SP100: variants seen among roughly 807,000 people sequenced by gnomAD.
SP100 encodes SP100 nuclear body protein.
SP100 carries 84 observed loss-of-function variants against 130.0 expected under a neutral mutation model. The observed-to-expected ratio is 0.65, with a 90% CI of 0.54 to 0.77. The LOEUF is 0.77. Ranked by LOEUF, SP100 falls within the 30% of genes least tolerant of loss-of-function variation. SP100 has a pLI of 0.00. For missense variants in SP100, 978 were observed against 1,052.2 expected (o/e 0.93, Z 0.97); for synonymous variants, 331 against 351.7 (o/e 0.94, Z 0.66).
At chr2:230,445,078 C>T (rs1051597587) in intron 4 of SP100, among the ~76,000 whole-genome samples, 3 of 152,112 alleles carry the variant, frequency 2.0e-5, no homozygotes, top group Non-Finnish European at 4.4e-5. Flanking sequence ...AGGGGTGAAA[C>T]AAAGATTGAC....
intron 8 of SP100, among the ~76,000 whole-genome samples, chr2:230,451,993 A>G (rs1194728366): frequency 1.3e-5 from 2 of 152,098 alleles, no homozygotes; most frequent in African/African-American, 4.8e-5. Context: ...CCATTTTTCT[A>G]CATGTCTATT....
rs991748647 is a variant in SP100 at position 230,544,204 on chromosome 2, G to A, written c.*1258G>A. 6 of 151,792 alleles carry A rather than the reference G, an allele frequency of 4.0e-5. No homozygotes were observed. Among genetic ancestry groups the A allele is most frequent in the Non-Finnish European group, 5.9e-5 (4 of 67,852 alleles). 9.4% of individuals were successfully genotyped at this position (151,792 alleles called of 1,614,324 possible). A position where few individuals can be genotyped will look rare whatever the true frequency, so the allele number is the denominator to read the frequency against. On this transcript the variant is annotated 3_prime_UTR_variant, in exon 29 of 29. Transcript: ENST00000340126. ...TATGAAGACTCTGGAAGACAACCTA[G>A]GCAATACCATCCTGGACATAGGAAC...
At chr2:230,461,485 ACGGACCATC>A in intron 9 of SP100, 71 bp downstream of exon 9, 1 of 1,523,034 alleles carries the variant, frequency 6.6e-7, no homozygotes, top group Non-Finnish European at 9.1e-7. Flanking sequence ...GGACTTCATC[ACGGACCATC>A]GGGGCAGTGC....
intron 8 of SP100, among the ~76,000 whole-genome samples, chr2:230,459,225 A>G (rs759893999): frequency 6.6e-6 from 1 of 152,226 alleles, no homozygotes; most frequent in Non-Finnish European, 1.5e-5. Flanking sequence ...TTAAAGGACA[A>G]TGAATGAAAA....
At chr2:230,417,998 G>T (rs1448338348) in intron 2 of SP100, among the ~76,000 whole-genome samples, 2 of 131,476 alleles carry the variant, frequency 1.5e-5, no homozygotes, top group Non-Finnish European at 3.5e-5. Flanking sequence ...ACGAGGTGAT[G>T]CTGACACCCT....
rs1370146227 is a variant in SP100 at position 230,425,888 on chromosome 2, T to TTTC, written c.107+8226_107+8228dup. Among the ~76,000 whole-genome samples the TTTC allele has an allele frequency of 3.3e-5, 5 of 152,262 alleles. No individual in the cohort carries two copies. The East Asian group carries it at 9.6e-4, about 29-fold the overall frequency. On this transcript the variant is annotated intron_variant, in intron 2 of 28. Coordinates refer to ENST00000340126, the MANE Select transcript of SP100 (RefSeq NM_001080391.2). ...AATTCACTAGCATAGCCAACTGGTT[T>TTTC]TTCTTTAATGGAAAGTTGTTTACTT...
chr2:230,443,761 G>A (rs976973525), intron 3 of SP100, among the ~76,000 whole-genome samples: 3 of 152,214 alleles, frequency 2.0e-5, no homozygotes, highest in African/African-American at 7.2e-5. Context: ...TTCACAGCAA[G>A]GGGAGACTGG....
chr2:230,516,993 CTGA>C (rs919174714), intron 24 of SP100, among the ~76,000 whole-genome samples: 5 of 152,012 alleles, frequency 3.3e-5, no homozygotes, highest in African/African-American at 1.2e-4. Flanking sequence ...AAAATTATGA[CTGA>C]TAACAGATTT....
intron 2 of SP100, among the ~76,000 whole-genome samples, chr2:230,427,169 T>C (rs13019098): frequency 7.6e-5 from 11 of 145,446 alleles, no homozygotes; most frequent in East Asian, 3.9e-4. Context: ...CTCTCTCTCT[T>C]TTTTTTTCCT....
intron 2 of SP100, among the ~76,000 whole-genome samples, chr2:230,435,138 G>C (rs1054930645): frequency 6.6e-6 from 1 of 152,238 alleles, no homozygotes; most frequent in African/African-American, 2.4e-5. Flanking sequence ...GGATGAGTAA[G>C]TGTCTGTTTT....
At chr2:230,437,941 T>C (rs772149540) in intron 2 of SP100, among the ~76,000 whole-genome samples, 2 of 152,242 alleles carry the variant, frequency 1.3e-5, no homozygotes, top group Non-Finnish European at 2.9e-5. Flanking sequence ...CATTTTTGTA[T>C]ATGTAAAGAA....
At chr2:230,492,357 A>G (rs1298651146) in intron 17 of SP100, among the ~76,000 whole-genome samples, 1 of 152,114 alleles carries the variant, frequency 6.6e-6, no homozygotes, top group African/African-American at 2.4e-5. Flanking sequence ...CACCCAGGCT[A>G]GAGGGCAGTG....
chr2:230,499,974 T>C (rs1393297983), intron 19 of SP100, among the ~76,000 whole-genome samples: 1 of 152,118 alleles, frequency 6.6e-6, no homozygotes, highest in East Asian at 1.9e-4. Flanking sequence ...CCCTACCATG[T>C]TCTTTGCAGA....
In SP100 at chr2:230,543,400, T is replaced by C. The variant is rs139703657; in HGVS notation, c.*454T>C. The C allele has an allele frequency of 2.0e-5, 3 of 152,398 alleles. No homozygotes were observed. The highest frequency in any genetic ancestry group is 4.8e-5 in the African/African-American group (2 of 41,556). 9.4% of individuals were successfully genotyped at this position (152,398 alleles called of 1,614,324 possible). A position where few individuals can be genotyped will look rare whatever the true frequency, so the allele number is the denominator to read the frequency against. On this transcript the variant is annotated 3_prime_UTR_variant, in exon 29 of 29. Transcript: ENST00000340126. Reference sequence around the variant, plus strand: ...TTGCACACAACATTGATTCTATATCTAGAAAACCCCCTAGTCTCAGCCCAG... The same window carrying C: ...TTGCACACAACATTGATTCTATATCCAGAAAACCCCCTAGTCTCAGCCCAG...
At position 230,506,349 on chromosome 2, in the gene SP100, T is replaced by G. The variant is rs1690104797; in HGVS notation, c.1917T>G (p.Thr639=). Residue 639 remains threonine (T), a synonymous_variant, in exon 22 of 29, where the codon ACT becomes ACG. Coordinates refer to ENST00000340126, the MANE Select transcript of SP100 (RefSeq NM_001080391.2). The stretch of plus-strand genomic sequence containing the variant: ...AGAGTGAGGATAAAAAGTGGTTCAC[T>G]CCCAGGGAATTTGAAATTGAAGGAG... ...CIQSEDKKWF[T]PREFEIEGDR... 1 of 1,613,790 alleles carries G rather than the reference T, an allele frequency of 6.2e-7. No homozygotes were observed.
At chr2:230,431,635 A>G (rs1339327169) in intron 2 of SP100, among the ~76,000 whole-genome samples, 1 of 152,174 alleles carries the variant, frequency 6.6e-6, no homozygotes, top group Non-Finnish European at 1.5e-5. Context: ...TGTGCCTTTT[A>G]AATCTAAGGT....
intron 2 of SP100, among the ~76,000 whole-genome samples, chr2:230,422,098 C>G (rs1432123486): frequency 6.6e-6 from 1 of 151,964 alleles, no homozygotes; most frequent in Non-Finnish European, 1.5e-5. Context: ...GAACTTCATT[C>G]CTTCTAGTGA....
At chr2:230,515,099 A>C (rs781439579) in intron 24 of SP100, 6 of 1,612,818 alleles carry the variant, frequency 3.7e-6, no homozygotes, top group Non-Finnish European at 5.1e-6. Context: ...TGTCAGGAGG[A>C]GCATAAGAAG....
rs543288909 is a variant in SP100 at position 230,541,354 on chromosome 2, C to T, written c.2385C>T (p.Phe795=). ...ACTGTGATTCGAAAAGCTGCTTTTT[C>T]GCCTCAGAACCGTATTATGTAAGTA... The part of the protein sequence containing the change: ...KVYCDSKSCF[F]ASEPYYNREG... The change falls in exon 27 of 29, where the codon TTC becomes TTT. Residue 795 remains phenylalanine, a synonymous_variant. Coordinates refer to ENST00000340126, the MANE Select transcript of SP100 (RefSeq NM_001080391.2). 34 of 1,613,852 alleles carry T rather than the reference C, an allele frequency of 2.1e-5. No individual in the cohort carries two copies. The highest frequency in any genetic ancestry group is 8.8e-5 in the South Asian group (8 of 91,052).
Sources: gnomAD v4.1 joint callset for allele counts (sites outside exome capture counted in the v4.1 genomes callset) on GRCh38, gnomAD v4.1.1 for gene constraint, MANE v1.5 for transcripts, NCBI Gene and HGNC (gene_info 2026-07-23, HGNC 2026-07-21) for gene names.